Variants in APPBP2 observed in about 807,000 individuals in gnomAD.
The protein encoded by APPBP2 is amyloid protein-binding protein 2.
Under a neutral mutation model 76.0 loss-of-function variants are expected in APPBP2, and 15 were observed. The ratio of observed to expected loss-of-function variants is 0.20; its 90% confidence interval spans 0.13 to 0.30. APPBP2 has a LOEUF of 0.30. APPBP2 is among the 10% of genes least tolerant of loss of function. APPBP2 has a pLI of 1.00. For synonymous variants in APPBP2, 222 were observed against 242.2 expected (o/e 0.92, Z 0.77); for missense variants, 401 against 687.2 (o/e 0.58, Z 4.66).
intron 4 of APPBP2, chr17:60,468,460 G>C (rs1205265932): frequency 6.6e-6 from 1 of 152,210 alleles, no homozygotes; most frequent in African/African-American, 2.4e-5. Flanking sequence ...ACAATGCTAA[G>C]AATTTCCTTT....
At chr17:60,516,169 CA>C (rs199766978) in intron 1 of APPBP2, among the ~76,000 whole-genome samples, 115 of 144,512 alleles carry the variant, frequency 8.0e-4, no homozygotes, top group African/African-American at 2.9e-3. Context: ...TCTCAAAAAA[CA>C]AAAACAAAAA....
At chr17:60,509,864 T>G (rs986707756) in intron 1 of APPBP2, among the ~76,000 whole-genome samples, 2 of 152,030 alleles carry the variant, frequency 1.3e-5, no homozygotes, top group Non-Finnish European at 1.5e-5. Flanking sequence ...AAATATCACA[T>G]GAAAGGGGAA....
intron 4 of APPBP2, among the ~76,000 whole-genome samples, chr17:60,470,397 C>T (rs529572589): frequency 1.1e-4 from 16 of 151,890 alleles, no homozygotes; most frequent in Middle Eastern, 3.4e-3. Context: ...GTAGCTGAGA[C>T]GACAGGCCAG....
At chr17:60,453,874 ATTGT>A (rs1219263317) in intron 11 of APPBP2, among the ~76,000 whole-genome samples, 1 of 148,994 alleles carries the variant, frequency 6.7e-6, no homozygotes, top group Non-Finnish European at 1.5e-5. Context: ...TATTTTGACT[ATTGT>A]TTGTTTGTTT....
chr17:60,522,541 G>A (rs541457764), intron 1 of APPBP2, among the ~76,000 whole-genome samples: 2 of 152,130 alleles, frequency 1.3e-5, no homozygotes, highest in Admixed American at 6.5e-5. Flanking sequence ...GGCTGGTCTC[G>A]AACTCCTGTG....
chr17:60,462,248 T>A, intron 6 of APPBP2, 187 bp from the exon 7 acceptor site: 1 of 539,774 alleles, frequency 1.9e-6, no homozygotes, highest in South Asian at 2.9e-5. Context: ...CAGATCTGTA[T>A]ATAAGCTGGG....
chr17:60,472,220 TGGA>T (rs1014291632), intron 4 of APPBP2, among the ~76,000 whole-genome samples: 4 of 152,334 alleles, frequency 2.6e-5, no homozygotes, highest in African/African-American at 9.6e-5. Context: ...TGCAATTTCC[TGGA>T]GGAGTTTGAG....
intron 6 of APPBP2, chr17:60,462,288 C>A: frequency 2.1e-6 from 1 of 483,986 alleles, no homozygotes; most frequent in Non-Finnish European, 3.6e-6. Context: ...TTTTGACAGT[C>A]AGTCCTAGTA....
chr17:60,499,444 A>C (rs972722768), intron 2 of APPBP2, among the ~76,000 whole-genome samples: 6 of 139,910 alleles, frequency 4.3e-5, no homozygotes, highest in South Asian at 4.6e-4. Flanking sequence ...GAGGCTGAAA[A>C]ACGAGGATCC....
At chr17:60,499,938 T>A (rs2090808611) in intron 2 of APPBP2, among the ~76,000 whole-genome samples, 1 of 151,784 alleles carries the variant, frequency 6.6e-6, no homozygotes, top group South Asian at 2.1e-4. Flanking sequence ...ATTTAGTGGG[T>A]AAGGAGTTTT....
At position 60,445,037 on chromosome 17, in the gene APPBP2, TATCC is replaced by T. The variant is rs2090334674; in HGVS notation, c.*2540_*2543del. 6.6e-6 allele frequency: 1 copy of T among 152,198 alleles called. No individual in the cohort carries two copies. The highest frequency in any genetic ancestry group is 6.5e-5 in the Admixed American group (1 of 15,280). The allele number at this position is 152,198 out of a possible 1,614,324, so 9.4% of individuals were successfully genotyped here. A position where few individuals can be genotyped will look rare whatever the true frequency, so the allele number is the denominator to read the frequency against. ...AAATCATAGTGGCACACATCTAACT[TATCC>T]TAAACATCCCTACTTAAAGGATGAA... On this transcript the variant is annotated 3_prime_UTR_variant, in exon 13 of 13. Transcript: ENST00000083182.
Position 60,454,286 on chromosome 17 carries a change from A to G in APPBP2, c.1338+16T>C, listed in dbSNP as rs907739594. 1.8e-5 allele frequency: 28 copies of G among 1,524,552 alleles called. No individual in the cohort carries two copies. The highest frequency in any genetic ancestry group is 6.4e-5 in the South Asian group (5 of 77,774). 94.4% of individuals were successfully genotyped at this position (1,524,552 alleles called of 1,614,324 possible). On this transcript the variant is annotated intron_variant, in intron 11 of 12. Transcript: ENST00000083182. The stretch of plus-strand genomic sequence containing the variant: ...ATTACTTAAGAGAGAAAAATATAGT[A>G]AAAACATGTTTCTACCTTAAATTTT...
At chr17:60,506,206 T>G (rs1374457721) in intron 1 of APPBP2, among the ~76,000 whole-genome samples, 1 of 151,356 alleles carries the variant, frequency 6.6e-6, no homozygotes, top group East Asian at 2.0e-4. Flanking sequence ...TTGCCTAGCC[T>G]GGTGTACAAA....
At chr17:60,451,531 T>C (rs1303457346) in intron 12 of APPBP2, among the ~76,000 whole-genome samples, 3 of 152,144 alleles carry the variant, frequency 2.0e-5, no homozygotes, top group East Asian at 1.9e-4. Context: ...TGGAGAGCAG[T>C]GGCACAATCT....
intron 1 of APPBP2, among the ~76,000 whole-genome samples, chr17:60,514,156 A>AATT (rs1371106025): frequency 6.6e-6 from 1 of 152,036 alleles, no homozygotes; most frequent in African/African-American, 2.4e-5. Flanking sequence ...AAAATACAAA[A>AATT]ATTAGCTGAG....
intron 4 of APPBP2, 58 bp from the exon 5 acceptor site, chr17:60,466,517 T>C (rs966514674): frequency 1.3e-6 from 2 of 1,513,396 alleles, no homozygotes; most frequent in Non-Finnish European, 1.8e-6. Flanking sequence ...GTAGACCTGA[T>C]GACCTCTTAC....
intron 9 of APPBP2, among the ~76,000 whole-genome samples, chr17:60,457,386 T>C (rs979947176): frequency 2.6e-5 from 4 of 152,140 alleles, no homozygotes; most frequent in African/African-American, 9.7e-5. Flanking sequence ...GTAACTAAAC[T>C]TCTGTTTAAC....
At chr17:60,506,804 G>A (rs1320750881) in intron 1 of APPBP2, among the ~76,000 whole-genome samples, 2 of 152,198 alleles carry the variant, frequency 1.3e-5, no homozygotes, top group Non-Finnish European at 1.5e-5. Flanking sequence ...TTGGGAGGCC[G>A]AGGCGGGCAG....
chr17:60,457,146 T>G (rs1044394292), intron 9 of APPBP2, among the ~76,000 whole-genome samples: 11 of 150,244 alleles, frequency 7.3e-5, no homozygotes, highest in Admixed American at 2.0e-4. Context: ...AAAAAAAAAA[T>G]TACCATCACT....
Sources: gnomAD v4.1 joint callset for allele counts (sites outside exome capture counted in the v4.1 genomes callset) on GRCh38, gnomAD v4.1.1 for gene constraint, MANE v1.5 for transcripts, NCBI Gene and HGNC (gene_info 2026-07-23, HGNC 2026-07-21) for gene names.